Variants in LRFN5 observed in about 807,000 individuals in gnomAD.
LRFN5 encodes the protein leucine-rich repeat and fibronectin type-III domain-containing protein 5.
A neutral mutation model predicts 45.6 loss-of-function variants in LRFN5; 24 were observed. The observed-to-expected ratio is 0.53, with a 90% CI of 0.38 to 0.74. The LOEUF (loss-of-function observed/expected upper bound fraction) is 0.74. Ranked by LOEUF, LRFN5 falls within the 30% of genes least tolerant of loss-of-function variation. The pLI is 0.00. For synonymous variants in LRFN5, 340 were observed against 313.8 expected, an observed-to-expected ratio of 1.08 and a Z score of -0.88; for missense variants, 776 against 861.5, an observed-to-expected ratio of 0.90 and a Z score of 1.24.
At chr14:41,757,229 G>A (rs1423948510) in intron 1 of LRFN5, among the ~76,000 whole-genome samples, 1 of 152,182 alleles carries the variant, frequency 6.6e-6, no homozygotes, top group Non-Finnish European at 1.5e-5. Flanking sequence ...GAGGCAGTCT[G>A]TTTGTTCTCA....
intron 2 of LRFN5, among the ~76,000 whole-genome samples, chr14:41,886,121 C>T (rs758409277): frequency 5.9e-5 from 9 of 151,360 alleles, no homozygotes; most frequent in Non-Finnish European, 8.8e-5. Flanking sequence ...AAAGGTCATG[C>T]TGCAAGCTAA....
chr14:41,728,424 A>G (rs747697764), intron 1 of LRFN5, among the ~76,000 whole-genome samples: 15 of 152,176 alleles, frequency 9.9e-5, no homozygotes, highest in Non-Finnish European at 2.1e-4. Flanking sequence ...TCAAGGAAAA[A>G]GAAAACACAC....
At chr14:41,741,900 C>T (rs1488893127) in intron 1 of LRFN5, among the ~76,000 whole-genome samples, 1 of 150,546 alleles carries the variant, frequency 6.6e-6, no homozygotes, top group Non-Finnish European at 1.5e-5. Context: ...GAATGACCAA[C>T]AGATATATGA....
chr14:41,835,361 C>A (rs970735241), intron 2 of LRFN5, among the ~76,000 whole-genome samples: 2 of 152,182 alleles, frequency 1.3e-5, no homozygotes, highest in African/African-American at 4.8e-5. Context: ...CCTAAGGACA[C>A]AAAATTGTGC....
chr14:41,658,442 T>G (rs1880478922), intron 1 of LRFN5, among the ~76,000 whole-genome samples: 1 of 152,000 alleles, frequency 6.6e-6, no homozygotes, highest in Non-Finnish European at 1.5e-5. Context: ...CATTGATGAT[T>G]CAGACATTCA....
chr14:41,794,836 G>A (rs898063192), intron 2 of LRFN5, among the ~76,000 whole-genome samples: 2 of 151,748 alleles, frequency 1.3e-5, no homozygotes, highest in Non-Finnish European at 2.9e-5. Context: ...AAAATTGTGG[G>A]GTTTTCTTGT....
chr14:41,619,593 A>C (rs1259385129), intron 1 of LRFN5, among the ~76,000 whole-genome samples: 1 of 151,990 alleles, frequency 6.6e-6, no homozygotes, highest in Non-Finnish European at 1.5e-5. Context: ...TTTCTTTAGA[A>C]TCTAATGTAA....
At chr14:41,888,879 CT>C (rs2139156130) in intron 3 of LRFN5, among the ~76,000 whole-genome samples, 1 of 151,772 alleles carries the variant, frequency 6.6e-6, no homozygotes, top group South Asian at 2.1e-4. Context: ...TATTTTTACC[CT>C]TTCATATAAT....
chr14:41,801,604 T>C (rs1887335383), intron 2 of LRFN5, among the ~76,000 whole-genome samples: 1 of 152,204 alleles, frequency 6.6e-6, no homozygotes, highest in African/African-American at 2.4e-5. Context: ...GCCTGTTTAC[T>C]TCTCTACAAG....
At chr14:41,609,943 T>C (rs1998126) in intron 1 of LRFN5, among the ~76,000 whole-genome samples, 5,830 of 152,330 alleles carry the variant, frequency 0.038, 362 homozygotes, top group East Asian at 0.27. Context: ...GCTGCTCTGC[T>C]TGTCCCTGCG....
At chr14:41,614,603 T>A (rs1175824276) in intron 1 of LRFN5, among the ~76,000 whole-genome samples, 2 of 152,052 alleles carry the variant, frequency 1.3e-5, no homozygotes, top group African/African-American at 4.8e-5. Context: ...AATTAAGAAA[T>A]CATGGCTGTG....
intron 2 of LRFN5, among the ~76,000 whole-genome samples, chr14:41,862,416 A>G (rs145676958): frequency 2.0e-4 from 30 of 152,124 alleles, no homozygotes; most frequent in Middle Eastern, 3.4e-3. Flanking sequence ...GGGTTAATTA[A>G]TTTTTTCTTT....
chr14:41,759,448 T>TACACACAC (rs569216156), intron 1 of LRFN5, among the ~76,000 whole-genome samples: 10 of 109,748 alleles, frequency 9.1e-5, no homozygotes, highest in African/African-American at 3.1e-4. Context: ...TCTCTCTCTC[T>TACACACAC]ACACACACAC....
intron 1 of LRFN5, among the ~76,000 whole-genome samples, chr14:41,634,677 GT>G (rs1888668970): frequency 6.6e-6 from 1 of 152,208 alleles, no homozygotes; most frequent in South Asian, 2.1e-4. Context: ...TCTAAGACCT[GT>G]ATGTTCCAAT....
chr14:41,793,370 T>C (rs1164955383), intron 2 of LRFN5, among the ~76,000 whole-genome samples: 1 of 152,106 alleles, frequency 6.6e-6, no homozygotes, highest in Non-Finnish European at 1.5e-5. Context: ...CAAAGTCCTA[T>C]GTATAATAAT....
intron 1 of LRFN5, among the ~76,000 whole-genome samples, chr14:41,619,800 A>G (rs995011761): frequency 1.3e-5 from 2 of 151,988 alleles, no homozygotes; most frequent in Non-Finnish European, 2.9e-5. Context: ...TTCTTGGCAT[A>G]TTTCTCAGTT....
intron 1 of LRFN5, among the ~76,000 whole-genome samples, chr14:41,691,433 C>G (rs13379153): frequency 0.3 from 45,021 of 151,814 alleles, 6,791 homozygotes; most frequent in Middle Eastern, 0.38. Context: ...TTACAGTTGT[C>G]AGAAAACAAA....
At chr14:41,718,095 T>A (rs60103030) in intron 1 of LRFN5, among the ~76,000 whole-genome samples, 6,832 of 152,214 alleles carry the variant, frequency 0.045, 341 homozygotes, top group African/African-American at 0.12. Flanking sequence ...TTGTAATGCA[T>A]GTAGTGGAAA....
At chr14:41,674,107 G>A (rs1467054946) in intron 1 of LRFN5, among the ~76,000 whole-genome samples, 1 of 148,096 alleles carries the variant, frequency 6.8e-6, no homozygotes, top group African/African-American at 2.5e-5. Flanking sequence ...GGACGGGGTG[G>A]CTGGCCTGGC....
Sources: gnomAD v4.1 joint callset for allele counts (sites outside exome capture counted in the v4.1 genomes callset) on GRCh38, gnomAD v4.1.1 for gene constraint, MANE v1.5 for transcripts, NCBI Gene and HGNC (gene_info 2026-07-23, HGNC 2026-07-21) for gene names.